The following ADGRB3 variants were observed in gnomAD, a reference collection of about 807,000 sequenced individuals.
ADGRB3 encodes the protein brain-specific angiogenesis inhibitor 3.
ADGRB3 carries 37 observed loss-of-function variants against 193.4 expected under a neutral mutation model. The ratio of observed to expected loss-of-function variants is 0.19; its 90% CI spans 0.15 to 0.25. ADGRB3 has a LOEUF of 0.25. Ranked by LOEUF, ADGRB3 falls within the 10% of genes least tolerant of loss-of-function variation. ADGRB3 has a pLI of 1.00. For missense variants in ADGRB3, 1,637 were observed against 1,852.9 expected, an observed-to-expected ratio of 0.88 and a Z score of 2.14; for synonymous variants, 690 against 644.2, an observed-to-expected ratio of 1.07 and a Z score of -1.08.
intron 3 of ADGRB3, among the ~76,000 whole-genome samples, chr6:68,878,687 C>T (rs1765654493): frequency 6.6e-6 from 1 of 152,136 alleles, no homozygotes; most frequent in African/African-American, 2.4e-5. Context: ...TCACATTTTT[C>T]TATTTGCCTG....
At chr6:68,779,405 A>C (rs1007426771) in intron 3 of ADGRB3, among the ~76,000 whole-genome samples, 1 of 151,962 alleles carries the variant, frequency 6.6e-6, no homozygotes, top group Non-Finnish European at 1.5e-5. Context: ...CACAGTTTCC[A>C]TATGATGCTG....
At chr6:68,959,633 A>T in intron 8 of ADGRB3, among the ~76,000 whole-genome samples, 1 of 152,180 alleles carries the variant, frequency 6.6e-6, no homozygotes, top group Admixed American at 6.5e-5. Flanking sequence ...ATGAAAAATA[A>T]AACTATTTTC....
intron 3 of ADGRB3, among the ~76,000 whole-genome samples, chr6:68,851,226 T>C (rs917848354): frequency 6.6e-5 from 10 of 151,482 alleles, no homozygotes; most frequent in Non-Finnish European, 1.2e-4. Context: ...CTTTCTCTTC[T>C]CTCTTTGCCT....
intron 10 of ADGRB3, among the ~76,000 whole-genome samples, chr6:68,983,214 ACT>A (rs1491317173): frequency 6.6e-6 from 1 of 151,978 alleles, no homozygotes. Flanking sequence ...TAATAAATAT[ACT>A]TTTTTTCTAT....
intron 7 of ADGRB3, 135 bp downstream of exon 7, chr6:68,956,323 GTGTGTATACA>G: frequency 1.0e-6 from 1 of 968,052 alleles, no homozygotes; most frequent in Non-Finnish European, 1.5e-6. Flanking sequence ...GTGTGTGTGT[GTGTGTATACA>G]TGTATTTATT....
chr6:68,938,883 C>G (rs1421892067), intron 5 of ADGRB3, among the ~76,000 whole-genome samples: 1 of 152,142 alleles, frequency 6.6e-6, no homozygotes, highest in Non-Finnish European at 1.5e-5. Context: ...ATAAATTTAT[C>G]TAATCAGCCT....
chr6:68,797,055 AG>A (rs1462168803), intron 3 of ADGRB3, among the ~76,000 whole-genome samples: 1 of 152,148 alleles, frequency 6.6e-6, no homozygotes, highest in Non-Finnish European at 1.5e-5. Flanking sequence ...CCTTATCACA[AG>A]GCATAGCTAG....
intron 3 of ADGRB3, among the ~76,000 whole-genome samples, chr6:68,877,971 A>G (rs956751887): frequency 1.6e-4 from 25 of 152,278 alleles, no homozygotes; most frequent in African/African-American, 4.8e-4. Flanking sequence ...ATTAAGATAT[A>G]TAATCAAGGC....
Position 69,170,196 on chromosome 6 carries a change from TA to T in ADGRB3, c.2481-63093del, listed in dbSNP as rs1775237023. ...ACTCAGAAGTAATTTTCCAAATTTT[TA>T]TAATAAGGCCAAGTCTGAGACTGTT... On this transcript the variant is annotated intron_variant, in intron 17 of 31. Transcript: ENST00000370598. Among the ~76,000 whole-genome samples the T allele has an allele frequency of 6.6e-5, 10 of 152,300 alleles. No homozygotes were observed. In the South Asian group the frequency reaches 2.1e-3, roughly 32 times the overall value.
intron 17 of ADGRB3, among the ~76,000 whole-genome samples, chr6:69,164,463 G>T (rs1775080577): frequency 6.6e-6 from 1 of 152,088 alleles, no homozygotes; most frequent in Non-Finnish European, 1.5e-5. Flanking sequence ...AGACATTGGA[G>T]TGATTTCATG....
intron 13 of ADGRB3, among the ~76,000 whole-genome samples, chr6:69,038,219 C>T (rs1368964032): frequency 6.6e-6 from 1 of 152,018 alleles, no homozygotes; most frequent in Non-Finnish European, 1.5e-5. Flanking sequence ...ATTTTTGCCT[C>T]CTGTTGTTTT....
chr6:69,291,121 AT>A (rs1366461268), intron 20 of ADGRB3, among the ~76,000 whole-genome samples: 2 of 152,112 alleles, frequency 1.3e-5, no homozygotes, highest in African/African-American at 4.8e-5. Context: ...TCTTGGATTA[AT>A]TTTTTGAGAT....
In ADGRB3 at chr6:69,148,352, A is replaced by G. The variant is rs144880129; in HGVS notation, c.2480+72314A>G. Among the ~76,000 whole-genome samples the G allele has an allele frequency of 4.6e-3, 700 of 152,256 alleles. 7 individuals are homozygous for G. The highest frequency in any genetic ancestry group is 0.016 in the African/African-American group (645 of 41,580). On this transcript the variant is annotated intron_variant, in intron 17 of 31. Transcript: ENST00000370598. ...GACTTGCAATAATGTCTTATAACCC[A>G]TTGTTTTAAACTGATGACAACGGTG...
chr6:68,792,601 CT>C (rs1474545076), intron 3 of ADGRB3, among the ~76,000 whole-genome samples: 1 of 152,138 alleles, frequency 6.6e-6, no homozygotes, highest in Non-Finnish European at 1.5e-5. Context: ...AACATATTTC[CT>C]CCTTCAATCT....
intron 3 of ADGRB3, among the ~76,000 whole-genome samples, chr6:68,923,845 G>A (rs1243974923): frequency 6.6e-6 from 1 of 151,784 alleles, no homozygotes; most frequent in Non-Finnish European, 1.5e-5. Context: ...AACCATCCAG[G>A]GACAATTCAG....
chr6:68,914,448 T>C (rs1307682449), intron 3 of ADGRB3, among the ~76,000 whole-genome samples: 1 of 151,946 alleles, frequency 6.6e-6, no homozygotes, highest in Non-Finnish European at 1.5e-5. Flanking sequence ...AAACTAAGCT[T>C]CGTACGTGAA....
chr6:69,384,945 T>C (rs1292206001), intron 31 of ADGRB3, among the ~76,000 whole-genome samples: 1 of 138,340 alleles, frequency 7.2e-6, no homozygotes, highest in African/African-American at 2.8e-5. Flanking sequence ...AATAAAGGGG[T>C]TTTTCTTTTC....
Position 69,270,918 on chromosome 6 carries a change from C to G in ADGRB3, c.2814+31692C>G, listed in dbSNP as rs534951056. ...AAGGGAAAAACTTATATAGAATAAG[C>G]ATTTTTTTCAAACAACCCATTGAAT... On this transcript the variant is annotated intron_variant, in intron 20 of 31. Transcript: ENST00000370598. Among the ~76,000 whole-genome samples the G allele has an allele frequency of 6.6e-4, 100 of 152,234 alleles. 5 individuals carry two copies. The South Asian group carries it at 0.019, about 29-fold the overall frequency.
chr6:69,116,969 A>C (rs1056528663), intron 17 of ADGRB3, among the ~76,000 whole-genome samples: 3 of 152,222 alleles, frequency 2.0e-5, no homozygotes, highest in Admixed American at 2.0e-4. Context: ...TCTTCCAGCT[A>C]AGCCCTGCTT....
Sources: gnomAD v4.1 joint callset for allele counts (sites outside exome capture counted in the v4.1 genomes callset) on GRCh38, gnomAD v4.1.1 for gene constraint, MANE v1.5 for transcripts, NCBI Gene and HGNC (gene_info 2026-07-23, HGNC 2026-07-21) for gene names.